The following TRIM24 variants were observed in gnomAD, a reference collection of about 807,000 sequenced individuals.
The protein encoded by TRIM24 is transcription intermediary factor 1-alpha.
In TRIM24, 29 loss-of-function variants were observed where a neutral mutation model predicts 123.9. The observed-to-expected ratio is 0.23, with a 90% CI of 0.17 to 0.32. The LOEUF (loss-of-function observed/expected upper bound fraction) is 0.32, where lower values mean the gene tolerates loss of function less well. Among genes scored for constraint, TRIM24 ranks in the 10% least tolerant of loss-of-function variants. The pLI is 1.00. For missense variants in TRIM24, 932 were observed against 1,295.3 expected, an observed-to-expected ratio of 0.72 and a Z score of 4.31; for synonymous variants, 456 against 461.1, an observed-to-expected ratio of 0.99 and a Z score of 0.14.
intron 6 of TRIM24, among the ~76,000 whole-genome samples, chr7:138,531,463 C>T (rs1236224916): frequency 1.3e-4 from 20 of 149,728 alleles, no homozygotes; most frequent in Admixed American, 8.1e-4. Flanking sequence ...TGAGAACATG[C>T]GGTGTTTGGT....
chr7:138,581,612 G>T, intron 16 of TRIM24, 85 bp from the exon 17 acceptor site: 8 of 1,141,534 alleles, frequency 7.0e-6, no homozygotes, highest in South Asian at 6.2e-5. Context: ...TGACACTTTG[G>T]GACCTCTGAG....
At position 138,554,929 on chromosome 7, in the gene TRIM24, T is replaced by G; in HGVS notation, c.1493T>G (p.Met498Arg). The change falls in exon 9 of 19, where the codon ATG becomes AGG. Residue 498 changes from methionine to arginine, a missense_variant. Met to Arg is a moderately conservative substitution (Grantham distance 91). Coordinates refer to ENST00000343526, the MANE Select transcript of TRIM24 (RefSeq NM_015905.3). The surrounding 1 kb of genome is among the most constrained non-coding windows in gnomAD (Gnocchi z 4.5). ...CCTGTGGGTTTACCAAACCCTAGAATGCAGGGGCCCATCCAGCAACCTTCC... is the reference window on the plus strand; with the variant it reads ...CCTGTGGGTTTACCAAACCCTAGAAGGCAGGGGCCCATCCAGCAACCTTCC... ...PAPVGLPNPR[M>R]QGPIQQPSIS... The G allele has an allele frequency of 4.3e-6, 7 of 1,614,136 alleles. No individual in the cohort carries two copies. Among genetic ancestry groups the G allele is most frequent in the South Asian group, 1.1e-5 (1 of 91,082 alleles).
chr7:138,468,034 A>G (rs1795186148), intron 1 of TRIM24, among the ~76,000 whole-genome samples: 1 of 152,182 alleles, frequency 6.6e-6, no homozygotes. Flanking sequence ...AATATTGACT[A>G]GAAGTTGAAT....
intron 1 of TRIM24, among the ~76,000 whole-genome samples, chr7:138,491,764 A>G (rs1040345563): frequency 6.6e-6 from 1 of 152,152 alleles, no homozygotes; most frequent in African/African-American, 2.4e-5. Flanking sequence ...ACCATTTTGC[A>G]TCGTGTCAGC....
chr7:138,543,051 A>G (rs1280101603), intron 7 of TRIM24, among the ~76,000 whole-genome samples: 1 of 152,226 alleles, frequency 6.6e-6, no homozygotes, highest in African/African-American at 2.4e-5. Flanking sequence ...CATCATGAGT[A>G]TGTATGTGTA....
chr7:138,567,280 T>C (rs1797553131), intron 9 of TRIM24, among the ~76,000 whole-genome samples: 1 of 152,144 alleles, frequency 6.6e-6, no homozygotes, highest in African/African-American at 2.4e-5. Context: ...TCTTTCCTAG[T>C]AAGGTTCTTT....
intron 6 of TRIM24, among the ~76,000 whole-genome samples, chr7:138,535,444 A>G (rs1015394823): frequency 3.3e-5 from 5 of 152,032 alleles, no homozygotes; most frequent in African/African-American, 1.2e-4. Context: ...TTGCTTGTCT[A>G]TAACGGATTT....
intron 6 of TRIM24, among the ~76,000 whole-genome samples, chr7:138,531,757 G>T (rs1796751497): frequency 6.6e-6 from 1 of 152,156 alleles, no homozygotes; most frequent in Admixed American, 6.6e-5. Context: ...TGGGTCAAAT[G>T]GTATTTCTAG....
rs1289848425 is a variant in TRIM24, at chr7:138,585,935, A to G, written c.*984A>G. ...TCGTTTTTGTGGTTTTCATCTGTCTATAATTTGGAATGAAAATGTGTTGTA... is the reference window on the plus strand; with the variant it reads ...TCGTTTTTGTGGTTTTCATCTGTCTGTAATTTGGAATGAAAATGTGTTGTA... On this transcript the variant is annotated 3_prime_UTR_variant, in exon 19 of 19. Transcript: ENST00000343526. The G allele has an allele frequency of 3.9e-6, 2 of 516,048 alleles. No homozygotes were observed. Among genetic ancestry groups the G allele is most frequent in the South Asian group, 1.4e-5 (1 of 71,340 alleles). 32.0% of individuals were successfully genotyped at this position (516,048 alleles called of 1,614,324 possible). A position where few individuals can be genotyped will look rare whatever the true frequency, so the allele number is the denominator to read the frequency against.
At chr7:138,463,988 A>ATTTTTTTTTTTTTTTTT (rs1359459460) in intron 1 of TRIM24, among the ~76,000 whole-genome samples, 21 of 32,098 alleles carry the variant, frequency 6.5e-4, no homozygotes, top group Non-Finnish European at 8.3e-4. Context: ...AAAAATTTAG[A>ATTTTTTTTTTTTTTTTT]CTTTTTTTTT....
chr7:138,534,136 A>G (rs951596866), intron 6 of TRIM24, among the ~76,000 whole-genome samples: 1 of 151,622 alleles, frequency 6.6e-6, no homozygotes, highest in Non-Finnish European at 1.5e-5. Context: ...CTAGCGGTCT[A>G]TTTTGTTGAT....
intron 2 of TRIM24, among the ~76,000 whole-genome samples, chr7:138,510,270 A>G (rs960450771): frequency 4.6e-5 from 7 of 152,252 alleles, no homozygotes; most frequent in Admixed American, 4.6e-4. Flanking sequence ...CTTGCAGAAT[A>G]AGAGTTTATA....
chr7:138,518,829 TCTC>T (rs1796450912), intron 3 of TRIM24, among the ~76,000 whole-genome samples: 1 of 152,102 alleles, frequency 6.6e-6, no homozygotes. Context: ...TTTCAAAAAA[TCTC>T]CTCCCATATT....
chr7:138,518,538 CATT>C (rs1796444850), intron 3 of TRIM24, among the ~76,000 whole-genome samples: 1 of 152,024 alleles, frequency 6.6e-6, no homozygotes, highest in Admixed American at 6.5e-5. Context: ...ATAATGAAAA[CATT>C]ATTATTTCTG....
intron 4 of TRIM24, among the ~76,000 whole-genome samples, chr7:138,522,144 A>C (rs1179797380): frequency 7.9e-5 from 12 of 152,044 alleles, no homozygotes; most frequent in Non-Finnish European, 1.0e-4. Context: ...ATAAATAAAT[A>C]ACAAAACAAG....
chr7:138,567,571 C>A lies in TRIM24; in HGVS notation c.1621C>A (p.Pro541Thr). The A allele has an allele frequency of 6.2e-7, 1 of 1,613,986 alleles. No homozygotes were observed. The highest frequency in any genetic ancestry group is 8.5e-7 in the Non-Finnish European group (1 of 1,179,936). ...LPPHPQQLRY[P>T]PNQNIPRQAI... ...TCCTCATCCTCAACAACTGAGATAT[C>A]CACCAAACCAGAACATACCACGACA... is the stretch of plus-strand genomic sequence containing the variant. Residue 541 changes from proline to threonine, a missense_variant, in exon 10 of 19, where the codon CCA becomes ACA. This residue lies in a region of TRIM24 where 527 missense variants were observed against 691.3 expected (regional missense o/e 0.76). Transcript: ENST00000343526.
At chr7:138,536,479 C>T (rs945816620) in intron 6 of TRIM24, among the ~76,000 whole-genome samples, 4 of 152,236 alleles carry the variant, frequency 2.6e-5, no homozygotes, top group African/African-American at 9.6e-5. Context: ...GGTGGAGGTC[C>T]ACTCCAGACC....
At position 138,567,442 on chromosome 7, in the gene TRIM24, G is replaced by A. The variant is rs200614578; in HGVS notation, c.1531-39G>A. On this transcript the variant is annotated intron_variant, in intron 9 of 18. Transcript: ENST00000343526. ...GAGATTTATAATTTGTTTTTCAGAA[G>A]AAGATTGTTACTAAATTGGTTTAAT... 1,473 of 1,563,914 alleles carry A rather than the reference G, an allele frequency of 9.4e-4. 4 individuals are homozygous for A. The highest frequency in any genetic ancestry group is 1.2e-3 in the Non-Finnish European group (1,332 of 1,155,356).
At chr7:138,478,723 G>T (rs1441976781) in intron 1 of TRIM24, among the ~76,000 whole-genome samples, 2 of 152,178 alleles carry the variant, frequency 1.3e-5, no homozygotes, top group Admixed American at 6.5e-5. Context: ...CAAAGAAGGG[G>T]CAGGAGAGGG....
Sources: gnomAD v4.1 joint callset for allele counts (sites outside exome capture counted in the v4.1 genomes callset) on GRCh38, gnomAD v4.1.1 for gene constraint, gnomAD v4.1.1 regional missense constraint, Gnocchi (gnomAD v3.1) non-coding constraint, MANE v1.5 for transcripts, NCBI Gene and HGNC (gene_info 2026-07-23, HGNC 2026-07-21) for gene names.